Variants in MROH2B observed in about 807,000 individuals in gnomAD.
MROH2B encodes maestro heat like repeat family member 2B, also known as maestro heat-like repeat-containing protein family member 2B.
A neutral mutation model predicts 208.6 loss-of-function variants in MROH2B; 177 were observed. The ratio of observed to expected loss-of-function variants is 0.85; its 90% confidence interval spans 0.75 to 0.96. The LOEUF is 0.96. Among genes scored for constraint, MROH2B ranks in the 40% least tolerant of loss-of-function variants. MROH2B has a pLI of 0.00. For synonymous variants in MROH2B, 728 were observed against 659.0 expected (o/e 1.10, Z -1.60); for missense variants, 2,002 against 1,878.7 (o/e 1.07, Z -1.21).
chr5:41,016,498 G>GTTTTTT lies in MROH2B; in HGVS notation c.2885-1026_2885-1021dup, dbSNP rs10689623. Among the ~76,000 whole-genome samples the GTTTTTT allele has an allele frequency of 3.0e-3, 241 of 80,784 alleles. 27 individuals carry two copies. Among genetic ancestry groups the GTTTTTT allele is most frequent in the Admixed American group, 3.8e-3 (19 of 4,952 alleles). 53.0% of individuals were successfully genotyped at this position (80,784 alleles called of 152,430 possible). A position where few individuals can be genotyped will look rare whatever the true frequency, so the allele number is the denominator to read the frequency against. On this transcript the variant is annotated intron_variant, in intron 28 of 41. Transcript: ENST00000399564. The stretch of plus-strand genomic sequence containing the variant: ...GGCATATTTCTGTTACTACTGTAAT[G>GTTTTTT]TTTTTTTTTTTTTTTTTTTTTTTTG...
At chr5:41,070,639 T>G (rs1743959367) in intron 1 of MROH2B, among the ~76,000 whole-genome samples, 186 bp downstream of exon 1, 1 of 152,126 alleles carries the variant, frequency 6.6e-6, no homozygotes, top group South Asian at 2.1e-4. Flanking sequence ...AGGCTTCCAG[T>G]CTATTATTGG....
intron 32 of MROH2B, 112 bp downstream of exon 32, chr5:41,009,168 A>T (rs1741690838): frequency 1.4e-6 from 2 of 1,395,732 alleles, no homozygotes; most frequent in African/African-American, 1.4e-5. Flanking sequence ...AAGTTAGGGT[A>T]TGAGAGAAGA....
intron 24 of MROH2B, among the ~76,000 whole-genome samples, chr5:41,030,979 C>T (rs1742550072): frequency 6.6e-6 from 1 of 151,890 alleles, no homozygotes; most frequent in Admixed American, 6.6e-5. Context: ...TAATGTGGAA[C>T]TATGTAAGGT....
At chr5:41,018,598 C>A in intron 26 of MROH2B, 93 bp downstream of exon 26, 1 of 1,504,416 alleles carries the variant, frequency 6.6e-7, no homozygotes, top group South Asian at 1.2e-5. Flanking sequence ...AGCTGGATGT[C>A]TTCATGTAAG....
Position 41,033,863 on chromosome 5 carries a change from A to G in MROH2B, c.2216T>C (p.Val739Ala), listed in dbSNP as rs1443623968. The G allele has an allele frequency of 6.5e-7, 1 of 1,548,292 alleles. No homozygotes were observed. Among genetic ancestry groups the G allele is most frequent in the Non-Finnish European group, 8.7e-7 (1 of 1,144,636 alleles). ...CTTGTTCATCACAGACATGCCCAGA[A>G]CCTAAAAAAAATCAAAGGCAAAATT... ...VLSLHGQCSQ[V>A]LGMSVMNKDM... The change falls in exon 22 of 42, where the codon GTT (valine) becomes GCT (alanine). Residue 739 changes from valine to alanine, a missense_variant and splice_region_variant. Physicochemically the swap from Val to Ala is moderately conservative, Grantham distance 64 (BLOSUM62 0). Coordinates refer to ENST00000399564, the MANE Select transcript of MROH2B (RefSeq NM_173489.5).
At chr5:41,028,301 A>G (rs1272004706) in intron 24 of MROH2B, among the ~76,000 whole-genome samples, 3 of 152,348 alleles carry the variant, frequency 2.0e-5, no homozygotes, top group Non-Finnish European at 4.4e-5. Flanking sequence ...CCCCGTGGCA[A>G]GAGCAAAAGT....
chr5:41,048,239 A>G, intron 16 of MROH2B, 85 bp downstream of exon 16: 3 of 1,444,770 alleles, frequency 2.1e-6, no homozygotes, highest in Non-Finnish European at 2.7e-6. Context: ...TAAAATGAGC[A>G]TTAATGGCTT....
chr5:41,002,210 TC>T (rs1425824087), intron 37 of MROH2B, among the ~76,000 whole-genome samples: 1 of 152,118 alleles, frequency 6.6e-6, no homozygotes, highest in Non-Finnish European at 1.5e-5. Context: ...TAATGATAGG[TC>T]CAGGAACAAT....
intron 24 of MROH2B, among the ~76,000 whole-genome samples, chr5:41,025,334 A>G (rs1742315058): frequency 6.6e-6 from 1 of 152,164 alleles, no homozygotes; most frequent in South Asian, 2.1e-4. Flanking sequence ...CAGACACAAT[A>G]AAAAATGATA....
intron 2 of MROH2B, among the ~76,000 whole-genome samples, chr5:41,068,511 T>C (rs994371817): frequency 3.9e-5 from 6 of 152,210 alleles, no homozygotes; most frequent in Non-Finnish European, 8.8e-5. Context: ...GGGAGCTTAA[T>C]GTAGTTAGTG....
chr5:40,998,655 G>C lies in MROH2B; in HGVS notation c.4608C>G (p.Thr1536=), dbSNP rs1299461527. 6.3e-7 allele frequency: 1 copy of C among 1,590,940 alleles called. No individual in the cohort carries two copies. Among genetic ancestry groups the C allele is most frequent in the East Asian group, 2.3e-5 (1 of 44,234 alleles). The change falls in exon 41 of 42, where the codon ACC becomes ACG. Residue 1536 remains threonine, a synonymous_variant. Transcript: ENST00000399564. The part of the protein sequence containing the change: ...KLTDAVVLNL[T]SQYVELLDRE... Reference sequence around the variant, plus strand: ...TGTCTAGTAACTCCACATATTGGCTGGTCAAATTGAGAACAACGGCATCTA... The same window carrying C: ...TGTCTAGTAACTCCACATATTGGCTCGTCAAATTGAGAACAACGGCATCTA...
intron 13 of MROH2B, 56 bp from the exon 14 acceptor site, chr5:41,049,492 C>G: frequency 2.0e-6 from 3 of 1,531,738 alleles, no homozygotes; most frequent in Non-Finnish European, 2.6e-6. Context: ...TTATTTCTCC[C>G]TGGTCCTCAC....
At chr5:41,050,549 T>C (rs1743253540) in intron 13 of MROH2B, among the ~76,000 whole-genome samples, 1 of 152,124 alleles carries the variant, frequency 6.6e-6, no homozygotes. Flanking sequence ...TGCTATGTAC[T>C]TCCGGGCACT....
intron 24 of MROH2B, among the ~76,000 whole-genome samples, chr5:41,028,471 A>G (rs4957366): frequency 0.28 from 41,996 of 152,056 alleles, 7,010 homozygotes; most frequent in Non-Finnish European, 0.37. Context: ...CCTACCCACC[A>G]CTGAGAATAA....
Position 41,009,169 on chromosome 5 carries a change from T to A in MROH2B, c.3420+111A>T, listed in dbSNP as rs897079220. The stretch of plus-strand genomic sequence containing the variant: ...TATAAACTGGAGTAAAGTTAGGGTA[T>A]GAGAGAAGAAGGAGGTGTCATTAAT... On this transcript the variant is annotated intron_variant, in intron 32 of 41. Coordinates refer to ENST00000399564, the MANE Select transcript of MROH2B (RefSeq NM_173489.5). The A allele has an allele frequency of 2.8e-6, 4 of 1,410,922 alleles. No individual in the cohort carries two copies. In the African/African-American group the frequency reaches 5.7e-5, roughly 20 times the overall value. 87.4% of individuals were successfully genotyped at this position (1,410,922 alleles called of 1,614,324 possible). A position where few individuals can be genotyped will look rare whatever the true frequency, so the allele number is the denominator to read the frequency against.
At chr5:41,025,938 C>T (rs952250487) in intron 24 of MROH2B, among the ~76,000 whole-genome samples, 1 of 152,270 alleles carries the variant, frequency 6.6e-6, no homozygotes, top group Non-Finnish European at 1.5e-5. Context: ...ACAAAAACCC[C>T]ATGATTATCT....
At chr5:41,005,028 T>C (rs960754297) in intron 35 of MROH2B, 108 bp from the exon 36 acceptor site, 11 of 1,417,640 alleles carry the variant, frequency 7.8e-6, no homozygotes, top group South Asian at 2.9e-5. Context: ...CCACTGCTTG[T>C]GCAGCGGAGG....
At chr5:41,008,087 T>C (rs1385232232) in intron 33 of MROH2B, among the ~76,000 whole-genome samples, 1 of 152,152 alleles carries the variant, frequency 6.6e-6, no homozygotes. Context: ...GAAATGAAAA[T>C]TCATACTTCA....
At chr5:41,038,090 G>A (rs1742820717) in intron 21 of MROH2B, among the ~76,000 whole-genome samples, 1 of 152,172 alleles carries the variant, frequency 6.6e-6, no homozygotes, top group African/African-American at 2.4e-5. Context: ...GGGGGAAACA[G>A]TGCAACACAG....
Sources: gnomAD v4.1 joint callset for allele counts (sites outside exome capture counted in the v4.1 genomes callset) on GRCh38, gnomAD v4.1.1 for gene constraint, MANE v1.5 for transcripts, NCBI Gene and HGNC (gene_info 2026-07-23, HGNC 2026-07-21) for gene names.